Variants in CFAP20DC observed in about 807,000 individuals in gnomAD.
CFAP20DC encodes protein CFAP20DC.
A neutral mutation model predicts 101.7 loss-of-function variants in CFAP20DC; 84 were observed. That is an observed-to-expected ratio of 0.83 (90% confidence interval 0.69 to 0.99). CFAP20DC has a LOEUF of 0.99. CFAP20DC is among the 50% of genes least tolerant of loss of function. The pLI is 0.00. For missense variants in CFAP20DC, 1,007 were observed against 970.3 expected, an observed-to-expected ratio of 1.04 and a Z score of -0.50; for synonymous variants, 359 against 351.2, an observed-to-expected ratio of 1.02 and a Z score of -0.25.
chr3:58,903,351 A>AT (rs1167941028), intron 6 of CFAP20DC, among the ~76,000 whole-genome samples: 1 of 151,994 alleles, frequency 6.6e-6, no homozygotes, highest in Admixed American at 6.6e-5. Flanking sequence ...AGTCCACCTC[A>AT]TTTTTTTGCA....
chr3:58,790,438 A>G lies in CFAP20DC; in HGVS notation c.2237+15957T>C, dbSNP rs184354413. Among the ~76,000 whole-genome samples, 668 of 152,330 alleles carry G rather than the reference A, an allele frequency of 4.4e-3. 4 individuals carry two copies. Among genetic ancestry groups the G allele is most frequent in the African/African-American group, 0.014 (573 of 41,570 alleles). ...CCTGTTTTCTCGCCCAAAAGTTGCCATTTGGCCTGCCATGTCCCCTATCAT... is the reference window on the plus strand; with the variant it reads ...CCTGTTTTCTCGCCCAAAAGTTGCCGTTTGGCCTGCCATGTCCCCTATCAT... On this transcript the variant is annotated intron_variant, in intron 15 of 16. Coordinates refer to ENST00000482387, the MANE Select transcript of CFAP20DC (RefSeq NM_001394063.1).
chr3:58,834,745 T>C (rs546401155), intron 13 of CFAP20DC, among the ~76,000 whole-genome samples: 23 of 152,300 alleles, frequency 1.5e-4, no homozygotes, highest in African/African-American at 5.5e-4. Flanking sequence ...GAATGCTTAG[T>C]AGAGGCACCT....
At chr3:59,025,502 A>C (rs893000442) in intron 4 of CFAP20DC, among the ~76,000 whole-genome samples, 2 of 152,184 alleles carry the variant, frequency 1.3e-5, no homozygotes, top group African/African-American at 4.8e-5. Flanking sequence ...AGAATATAAA[A>C]CTTATAAATT....
At chr3:58,959,364 G>A (rs1343849579) in intron 4 of CFAP20DC, among the ~76,000 whole-genome samples, 2 of 152,228 alleles carry the variant, frequency 1.3e-5, no homozygotes, top group Admixed American at 6.5e-5. Context: ...AAAGTGTTGG[G>A]ATTACAGGCG....
chr3:58,774,391 T>C (rs1469070930), intron 15 of CFAP20DC, among the ~76,000 whole-genome samples: 2 of 152,262 alleles, frequency 1.3e-5, no homozygotes, highest in African/African-American at 2.4e-5. Context: ...ACTTTATTTC[T>C]TATGATGAGG....
intron 4 of CFAP20DC, among the ~76,000 whole-genome samples, chr3:58,998,259 G>A (rs911951641): frequency 6.6e-6 from 1 of 152,170 alleles, no homozygotes; most frequent in Non-Finnish European, 1.5e-5. Flanking sequence ...AAGATTAGGA[G>A]CAAAGATTCT....
chr3:58,847,639 C>A (rs2077795060), intron 13 of CFAP20DC, among the ~76,000 whole-genome samples: 1 of 151,626 alleles, frequency 6.6e-6, no homozygotes, highest in African/African-American at 2.4e-5. Context: ...ACTGGAAATA[C>A]CATTTGACCC....
chr3:58,952,137 A>C (rs1293508777), intron 4 of CFAP20DC, among the ~76,000 whole-genome samples: 1 of 152,128 alleles, frequency 6.6e-6, no homozygotes, highest in African/African-American at 2.4e-5. Context: ...ATCAGCGTTG[A>C]GTTCATTGTA....
chr3:59,026,235 T>C (rs2093890169), intron 4 of CFAP20DC, among the ~76,000 whole-genome samples: 1 of 152,110 alleles, frequency 6.6e-6, no homozygotes, highest in Non-Finnish European at 1.5e-5. Flanking sequence ...ACGAGATGCG[T>C]TCAAAATATT....
intron 3 of CFAP20DC, among the ~76,000 whole-genome samples, chr3:58,733,414 T>C (rs1559527405): frequency 3.3e-5 from 5 of 152,144 alleles, no homozygotes; most frequent in African/African-American, 7.2e-5. Flanking sequence ...ATACCTTATT[T>C]CAAACATTCG....
chr3:58,797,874 T>C (rs144547700), intron 15 of CFAP20DC, among the ~76,000 whole-genome samples: 275 of 152,248 alleles, frequency 1.8e-3, no homozygotes, highest in African/African-American at 6.4e-3. Flanking sequence ...GCCTGTGTTG[T>C]ATAAAAGGAC....
intron 4 of CFAP20DC, among the ~76,000 whole-genome samples, chr3:59,009,361 T>C (rs1268390411): frequency 6.6e-6 from 1 of 151,462 alleles, no homozygotes; most frequent in Non-Finnish European, 1.5e-5. Flanking sequence ...ATTCAGAAGG[T>C]TGATTATTAA....
chr3:59,018,206 T>C (rs2093729452), intron 4 of CFAP20DC: 1 of 152,094 alleles, frequency 6.6e-6, no homozygotes, highest in African/African-American at 2.4e-5. Flanking sequence ...AACTAATAAA[T>C]GTCTACCACA....
intron 6 of CFAP20DC, among the ~76,000 whole-genome samples, chr3:58,900,012 A>G (rs899351905): frequency 6.6e-6 from 1 of 152,326 alleles, no homozygotes; most frequent in Non-Finnish European, 1.5e-5. Flanking sequence ...GCATAATGGG[A>G]GAATCTAATA....
intron 2 of CFAP20DC, 99 bp downstream of exon 2, chr3:59,047,066 C>A: frequency 1.3e-6 from 1 of 762,416 alleles, no homozygotes; most frequent in Non-Finnish European, 2.1e-6. Flanking sequence ...AGTGAAAGAA[C>A]AGGAAAAACA....
At position 58,861,304 on chromosome 3, in the gene CFAP20DC, C is replaced by A. The variant is rs1432743529; in HGVS notation, c.1593+2254G>T. ...ATATAATTGTTATTCACTTGTCCACCATTATTTACAACTTGACATTATGTT... is the reference window on the plus strand; with the variant it reads ...ATATAATTGTTATTCACTTGTCCACAATTATTTACAACTTGACATTATGTT... On this transcript the variant is annotated intron_variant, in intron 12 of 16. Transcript: ENST00000482387. The surrounding 1 kb of genome is among the most constrained non-coding windows in gnomAD (Gnocchi z 4.0). 1.9e-5 allele frequency: 13 copies of A among 701,606 alleles called. No individual in the cohort carries two copies. The highest frequency in any genetic ancestry group is 3.9e-5 in the African/African-American group (2 of 51,558). 43.5% of individuals were successfully genotyped at this position (701,606 alleles called of 1,614,324 possible).
rs892226747 is a variant in CFAP20DC, at chr3:58,811,801, G to A, written c.2176-5345C>T. Among the ~76,000 whole-genome samples, 24 of 151,694 alleles carry A rather than the reference G, an allele frequency of 1.6e-4. 1 individual carries two copies. The highest frequency in any genetic ancestry group is 4.6e-4 in the African/African-American group (19 of 41,330). ...AAATGGGAGAAAATTTTCGCAACCT[G>A]CTCATCTGACAAAGGGCTAATATCC... On this transcript the variant is annotated intron_variant, in intron 14 of 16. Transcript: ENST00000482387.
rs532820749 is a variant in CFAP20DC at position 58,898,661 on chromosome 3, C to T, written c.551-13952G>A. 2.4e-4 allele frequency among the ~76,000 whole-genome samples: 36 copies of T among 152,300 alleles called. No homozygotes were observed. The South Asian group carries it at 5.6e-3, about 24-fold the overall frequency. On this transcript the variant is annotated intron_variant, in intron 6 of 16. Coordinates refer to ENST00000482387, the MANE Select transcript of CFAP20DC (RefSeq NM_001394063.1). ...TTTAGCTCAGCAAAGTTCGTTATTA[C>T]CCACCTTCTGAAGCCTACTTGTCAG...
chr3:58,858,910 C>G (rs1025028083), intron 12 of CFAP20DC, among the ~76,000 whole-genome samples: 1 of 152,108 alleles, frequency 6.6e-6, no homozygotes, highest in Non-Finnish European at 1.5e-5. Flanking sequence ...ACAAATTCAG[C>G]TAAAGACAGT....
Sources: gnomAD v4.1 joint callset for allele counts (sites outside exome capture counted in the v4.1 genomes callset) on GRCh38, gnomAD v4.1.1 for gene constraint, Gnocchi (gnomAD v3.1) non-coding constraint, MANE v1.5 for transcripts, NCBI Gene and HGNC (gene_info 2026-07-23, HGNC 2026-07-21) for gene names.